SLC8A1: variants seen among roughly 807,000 people sequenced by gnomAD.
SLC8A1 encodes the protein sodium/calcium exchanger 1.
SLC8A1 carries 18 observed loss-of-function variants against 68.3 expected under a neutral mutation model. The ratio of observed to expected loss-of-function variants is 0.26; its 90% confidence interval spans 0.18 to 0.39. The LOEUF is 0.39. Among genes scored for constraint, SLC8A1 ranks in the 10% least tolerant of loss-of-function variants. The pLI, the probability that SLC8A1 is intolerant of heterozygous loss-of-function variation, is 1.00. For missense variants in SLC8A1, 985 were observed against 1,156.7 expected, an observed-to-expected ratio of 0.85 and a Z score of 2.15; for synonymous variants, 475 against 415.5, an observed-to-expected ratio of 1.14 and a Z score of -1.74.
intron 2 of SLC8A1, among the ~76,000 whole-genome samples, chr2:40,317,063 T>C (rs1354456241): frequency 6.6e-6 from 1 of 152,022 alleles, no homozygotes; most frequent in Non-Finnish European, 1.5e-5. Flanking sequence ...TAGCATTCAG[T>C]TTTAGTAGGA....
At chr2:40,194,469 ATGTG>A (rs543194094) in intron 2 of SLC8A1, among the ~76,000 whole-genome samples, 6,237 of 137,350 alleles carry the variant, frequency 0.045, 167 homozygotes, top group Admixed American at 0.08. Flanking sequence ...TCAGTAAGCA[ATGTG>A]TGTGTGTGTG....
intron 2 of SLC8A1, among the ~76,000 whole-genome samples, chr2:40,395,758 G>C (rs1204410145): frequency 2.0e-5 from 3 of 152,090 alleles, no homozygotes; most frequent in African/African-American, 7.2e-5. Flanking sequence ...GGAAAAGATA[G>C]GGATATAGAG....
intron 2 of SLC8A1, among the ~76,000 whole-genome samples, chr2:40,279,054 G>C (rs1483365977): frequency 6.6e-6 from 1 of 152,102 alleles, no homozygotes; most frequent in African/African-American, 2.4e-5. Context: ...CCTGATTCAA[G>C]CCTGCAATTT....
intron 6 of SLC8A1, among the ~76,000 whole-genome samples, chr2:40,159,978 G>A (rs189847746): frequency 1.8e-4 from 28 of 152,238 alleles, no homozygotes; most frequent in Admixed American, 5.9e-4. Context: ...TTAATTCGTT[G>A]CAACTGTAGA....
chr2:40,253,831 CAAAA>C (rs61434245), intron 2 of SLC8A1, among the ~76,000 whole-genome samples: 133 of 59,820 alleles, frequency 2.2e-3, no homozygotes, highest in Middle Eastern at 0.019. Flanking sequence ...TGTCTGTCTC[CAAAA>C]AAAAAAAAAA....
intron 2 of SLC8A1, among the ~76,000 whole-genome samples, chr2:40,318,702 A>G (rs539915731): frequency 5.3e-4 from 80 of 152,154 alleles, no homozygotes; most frequent in Non-Finnish European, 1.0e-3. Context: ...TAGTGCTACT[A>G]TTTTTATTTA....
intron 1 of SLC8A1, among the ~76,000 whole-genome samples, chr2:40,442,194 TATA>T (rs548034010): frequency 2.3e-4 from 34 of 149,062 alleles, no homozygotes; most frequent in Admixed American, 1.7e-3. Flanking sequence ...AAACTTAAAG[TATA>T]ATAATAATAA....
intron 6 of SLC8A1, among the ~76,000 whole-genome samples, chr2:40,148,124 G>A (rs190750382): frequency 1.4e-4 from 21 of 152,212 alleles, no homozygotes; most frequent in Non-Finnish European, 2.9e-4. Context: ...AGTGTAATTG[G>A]GAAATGTCTC....
chr2:40,159,214 ATACTT>A (rs1171602207), intron 6 of SLC8A1, among the ~76,000 whole-genome samples: 1 of 152,212 alleles, frequency 6.6e-6, no homozygotes, highest in Non-Finnish European at 1.5e-5. Flanking sequence ...CATCATAAAT[ATACTT>A]TACTTTAATG....
At chr2:40,306,787 G>A (rs1167159186) in intron 2 of SLC8A1, among the ~76,000 whole-genome samples, 1 of 152,168 alleles carries the variant, frequency 6.6e-6, no homozygotes, top group Non-Finnish European at 1.5e-5. Context: ...TGGTTGGCCA[G>A]GTGAAGTAAC....
intron 2 of SLC8A1, among the ~76,000 whole-genome samples, chr2:40,320,460 T>C (rs1356918080): frequency 6.6e-6 from 1 of 152,166 alleles, no homozygotes; most frequent in Non-Finnish European, 1.5e-5. Flanking sequence ...TGTGTGTGTT[T>C]CATGTTGTGG....
intron 2 of SLC8A1, among the ~76,000 whole-genome samples, chr2:40,209,716 G>A (rs924148321): frequency 1.3e-5 from 2 of 152,108 alleles, no homozygotes; most frequent in African/African-American, 4.8e-5. Flanking sequence ...TGGCCCATGG[G>A]TAGATGTGGT....
chr2:40,349,129 T>G (rs1045330823), intron 2 of SLC8A1, among the ~76,000 whole-genome samples: 1 of 152,162 alleles, frequency 6.6e-6, no homozygotes, highest in Non-Finnish European at 1.5e-5. Context: ...ATCCTTCATC[T>G]AAATGAAGGA....
chr2:40,320,726 G>A (rs2075083269), intron 2 of SLC8A1, among the ~76,000 whole-genome samples: 1 of 152,072 alleles, frequency 6.6e-6, no homozygotes, highest in East Asian at 1.9e-4. Context: ...TAAAAGGGAG[G>A]TTTTCCTCCA....
At chr2:40,365,083 C>A (rs558164197) in intron 2 of SLC8A1, among the ~76,000 whole-genome samples, 28 of 152,114 alleles carry the variant, frequency 1.8e-4, no homozygotes, top group African/African-American at 6.5e-4. Context: ...CCCACACTGG[C>A]CATGTTCTCC....
At chr2:40,406,586 G>A (rs1559550766) in intron 2 of SLC8A1, among the ~76,000 whole-genome samples, 1 of 152,158 alleles carries the variant, frequency 6.6e-6, no homozygotes, top group East Asian at 1.9e-4. Flanking sequence ...CGGTATATTA[G>A]TAAGCTAGAA....
rs575081991 is a variant in SLC8A1 at position 40,474,535 on chromosome 2, C to G, written c.-25+37814G>C. Among the ~76,000 whole-genome samples the G allele has an allele frequency of 2.6e-5, 4 of 152,220 alleles. No homozygotes were observed. The East Asian group carries it at 7.7e-4, about 29-fold the overall frequency. ...AGCTTCCCCGTTTTCTTCCAGAGTT[C>G]CTGCTAGTATTTTGGTACTATTCTC... On this transcript the variant is annotated intron_variant, in intron 1 of 7. Coordinates refer to the SLC8A1 transcript ENST00000402441.
At chr2:40,500,033 T>A (rs1057014516) in intron 1 of SLC8A1, among the ~76,000 whole-genome samples, 2 of 152,128 alleles carry the variant, frequency 1.3e-5, no homozygotes, top group Non-Finnish European at 2.9e-5. Flanking sequence ...TACATTAGTG[T>A]GTTGTTGTTT....
chr2:40,288,637 T>A (rs577078332), intron 2 of SLC8A1, among the ~76,000 whole-genome samples: 2 of 152,022 alleles, frequency 1.3e-5, no homozygotes, highest in Non-Finnish European at 2.9e-5. Flanking sequence ...AGTGACTTCA[T>A]GTTGGTGGCT....
Sources: allele counts gnomAD v4.1 joint callset (sites outside exome capture counted in the v4.1 genomes callset), GRCh38; gene constraint gnomAD v4.1.1; transcripts MANE v1.5; gene names NCBI Gene and HGNC (gene_info 2026-07-23, HGNC 2026-07-21).